Variants in CNTNAP2 observed in about 807,000 individuals in gnomAD.
CNTNAP2 encodes the protein contactin associated protein 2, also known as contactin-associated protein-like 2.
Under a neutral mutation model 155.2 loss-of-function variants are expected in CNTNAP2, and 98 were observed. The ratio of observed to expected loss-of-function variants is 0.63; its 90% CI spans 0.54 to 0.75. CNTNAP2 has a LOEUF of 0.75. Among genes scored for constraint, CNTNAP2 ranks in the 30% least tolerant of loss-of-function variants. CNTNAP2 has a pLI of 0.00. For synonymous variants in CNTNAP2, 651 were observed against 631.2 expected (o/e 1.03, Z -0.47); for missense variants, 1,727 against 1,688.1 (o/e 1.02, Z -0.40).
At chr7:147,402,106 AT>A (rs1796925909) in intron 10 of CNTNAP2, among the ~76,000 whole-genome samples, 1 of 152,192 alleles carries the variant, frequency 6.6e-6, no homozygotes, top group South Asian at 2.1e-4. Flanking sequence ...GAACACATAC[AT>A]TTTGGTACTG....
intron 15 of CNTNAP2, chr7:147,978,274 C>G: frequency 2.3e-6 from 1 of 432,302 alleles, no homozygotes; most frequent in East Asian, 4.8e-5. Context: ...ATGCTAATAG[C>G]ATAAATGCAG....
intron 12 of CNTNAP2, among the ~76,000 whole-genome samples, chr7:147,610,865 A>G (rs1801171224): frequency 6.6e-6 from 1 of 151,936 alleles, no homozygotes; most frequent in South Asian, 2.1e-4. Flanking sequence ...CAGCCTCCCA[A>G]GTAGCTAGGA....
chr7:148,349,487 T>C (rs554105119), intron 21 of CNTNAP2, among the ~76,000 whole-genome samples: 2 of 150,080 alleles, frequency 1.3e-5, no homozygotes, highest in East Asian at 2.0e-4. Flanking sequence ...CTGCAAGCTT[T>C]GCCTCCCAGG....
intron 1 of CNTNAP2, among the ~76,000 whole-genome samples, chr7:146,631,298 A>G (rs994245449): frequency 2.6e-5 from 4 of 152,218 alleles, no homozygotes; most frequent in South Asian, 2.1e-4. Flanking sequence ...GAAATGGTCA[A>G]TTGAAATCGA....
intron 13 of CNTNAP2, among the ~76,000 whole-genome samples, chr7:147,734,768 T>C (rs1458693194): frequency 6.6e-6 from 1 of 152,222 alleles, no homozygotes; most frequent in African/African-American, 2.4e-5. Flanking sequence ...TCCAGGAATT[T>C]ATCCATGTCT....
chr7:147,169,635 G>T (rs1236481430), intron 8 of CNTNAP2, among the ~76,000 whole-genome samples: 1 of 139,724 alleles, frequency 7.2e-6, no homozygotes, highest in African/African-American at 2.6e-5. Context: ...GGGAAGGAAG[G>T]AAGGAAGGAA....
intron 13 of CNTNAP2, among the ~76,000 whole-genome samples, chr7:147,644,594 C>T (rs1244521540): frequency 2.0e-5 from 3 of 152,150 alleles, no homozygotes; most frequent in Admixed American, 1.3e-4. Context: ...TGCACTCCAA[C>T]CTGGGCGATA....
chr7:146,137,013 G>A (rs571416191), intron 1 of CNTNAP2, among the ~76,000 whole-genome samples: 2 of 152,050 alleles, frequency 1.3e-5, no homozygotes, highest in Non-Finnish European at 2.9e-5. Flanking sequence ...CAAGAAAAAC[G>A]AACTGTTAAA....
intron 13 of CNTNAP2, among the ~76,000 whole-genome samples, chr7:147,715,784 A>G (rs1584916113): frequency 6.6e-6 from 1 of 152,038 alleles, no homozygotes; most frequent in Non-Finnish European, 1.5e-5. Flanking sequence ...TGTATCTTGA[A>G]GATTTTCTCC....
At chr7:146,425,180 C>A (rs144739088) in intron 1 of CNTNAP2, among the ~76,000 whole-genome samples, 8 of 152,192 alleles carry the variant, frequency 5.3e-5, no homozygotes, top group Non-Finnish European at 8.8e-5. Flanking sequence ...CCTTTGTATT[C>A]ATTTGGGTTT....
intron 1 of CNTNAP2, among the ~76,000 whole-genome samples, chr7:146,648,129 A>G (rs956862139): frequency 7.9e-5 from 12 of 152,158 alleles, no homozygotes; most frequent in Non-Finnish European, 1.5e-4. Flanking sequence ...ATGCTTTTGT[A>G]TTTCTCTACT....
intron 1 of CNTNAP2, among the ~76,000 whole-genome samples, chr7:146,573,658 G>A (rs1169440185): frequency 1.3e-5 from 2 of 152,124 alleles, no homozygotes; most frequent in African/African-American, 4.8e-5. Flanking sequence ...TGATTTAGCG[G>A]CAGTGCACAC....
At chr7:147,894,987 TTGAGACAGAGTC>T in intron 13 of CNTNAP2, among the ~76,000 whole-genome samples, 2 of 126,746 alleles carry the variant, frequency 1.6e-5, no homozygotes, top group African/African-American at 6.4e-5. Flanking sequence ...TTTTTTTTTT[TTGAGACAGAGTC>T]TTACTCTGTC....
At chr7:146,772,484 C>T (rs1802309491) in intron 1 of CNTNAP2, among the ~76,000 whole-genome samples, 2 of 146,992 alleles carry the variant, frequency 1.4e-5, no homozygotes, top group Non-Finnish European at 3.0e-5. Context: ...TGGTGAAACC[C>T]CGTCTCTACT....
chr7:146,914,828 TG>T (rs1188788249), intron 3 of CNTNAP2, among the ~76,000 whole-genome samples: 2 of 151,920 alleles, frequency 1.3e-5, no homozygotes, highest in East Asian at 1.9e-4. Flanking sequence ...AATTTATCTT[TG>T]TTTTTTTGTT....
intron 3 of CNTNAP2, among the ~76,000 whole-genome samples, chr7:146,969,610 T>G (rs1013076989): frequency 6.6e-6 from 1 of 151,278 alleles, no homozygotes; most frequent in Non-Finnish European, 1.5e-5. Flanking sequence ...TAAAGTCTGT[T>G]TTATCAGAGA....
At chr7:146,810,117 T>A (rs992417799) in intron 2 of CNTNAP2, among the ~76,000 whole-genome samples, 10 of 152,130 alleles carry the variant, frequency 6.6e-5, no homozygotes, top group South Asian at 2.1e-4. Flanking sequence ...TTTTCCTCAT[T>A]GTGTATTATT....
chr7:146,721,294 T>TCTATATA (rs1801300783), intron 1 of CNTNAP2, among the ~76,000 whole-genome samples: 1 of 123,914 alleles, frequency 8.1e-6, no homozygotes, highest in Non-Finnish European at 1.6e-5. Flanking sequence ...CTATATATAT[T>TCTATATA]CTATATATGT....
chr7:146,580,963 A>G (rs1798603117), intron 1 of CNTNAP2, among the ~76,000 whole-genome samples: 2 of 152,108 alleles, frequency 1.3e-5, no homozygotes, highest in South Asian at 4.1e-4. Context: ...GCAATTAGAG[A>G]CAATTGAAAA....
Sources: gnomAD v4.1 joint callset for allele counts (sites outside exome capture counted in the v4.1 genomes callset) on GRCh38, gnomAD v4.1.1 for gene constraint, MANE v1.5 for transcripts, NCBI Gene and HGNC (gene_info 2026-07-23, HGNC 2026-07-21) for gene names.